The following PLEKHA1 variants were observed in gnomAD, a reference collection of about 807,000 sequenced individuals.
PLEKHA1 encodes pleckstrin homology domain-containing family A member 1.
In PLEKHA1, 34 loss-of-function variants were observed where a neutral mutation model predicts 52.0. The observed-to-expected ratio is 0.65, with a 90% CI of 0.50 to 0.87. The LOEUF is 0.87. Ranked by LOEUF, PLEKHA1 falls within the 40% of genes least tolerant of loss-of-function variation. PLEKHA1 has a pLI of 0.00. For synonymous variants in PLEKHA1, 163 were observed against 170.7 expected, an observed-to-expected ratio of 0.95 and a Z score of 0.35; for missense variants, 497 against 504.2, an observed-to-expected ratio of 0.99 and a Z score of 0.14.
intron 10 of PLEKHA1, 29 bp downstream of exon 10, chr10:122,424,988 TC>T (rs749116967): frequency 6.4e-7 from 1 of 1,560,056 alleles, no homozygotes; most frequent in Non-Finnish European, 8.7e-7. Context: ...AATTAATAGA[TC>T]CTCCTAAAAA....
intron 7 of PLEKHA1, among the ~76,000 whole-genome samples, chr10:122,416,388 T>G (rs1040118172): frequency 1.3e-5 from 2 of 152,206 alleles, no homozygotes; most frequent in African/African-American, 4.8e-5. Context: ...GGTCTCTTCC[T>G]TGTTTAGGCA....
chr10:122,429,868 A>G lies in PLEKHA1; in HGVS notation c.1145A>G (p.Asn382Ser), dbSNP rs765221054. Reference protein sequence around the residue: ...EQALLRPQSKNGPQEKDCDLV... With the variant: ...EQALLRPQSKSGPQEKDCDLV... ...GCTCTGTTAAGACCTCAAAGTAAAA[A>G]TGGCCCTCAGGAAAAAGATTGTGAC... The change falls in exon 12 of 12, where the codon AAT becomes AGT. Residue 382 changes from asparagine to serine, a missense_variant. Asn to Ser is a conservative substitution (Grantham distance 46). Coordinates refer to ENST00000368990, the MANE Select transcript of PLEKHA1 (RefSeq NM_001001974.4). 8.7e-6 allele frequency: 14 copies of G among 1,614,054 alleles called. No individual in the cohort carries two copies. The highest frequency in any genetic ancestry group is 4.0e-5 in the African/African-American group (3 of 74,910).
intron 1 of PLEKHA1, among the ~76,000 whole-genome samples, chr10:122,384,673 C>T (rs1318077943): frequency 6.6e-6 from 1 of 151,606 alleles, no homozygotes; most frequent in Non-Finnish European, 1.5e-5. Flanking sequence ...TGTTACTGCT[C>T]CAGGTGTGGT....
At chr10:122,397,854 CATTAT>C (rs2096872038) in intron 2 of PLEKHA1, 59 bp from the exon 3 acceptor site, 8 of 1,251,866 alleles carry the variant, frequency 6.4e-6, no homozygotes, top group African/African-American at 1.5e-5. Context: ...ATATGTGGAA[CATTAT>C]ATTATAAAAT....
At chr10:122,441,901 C>T in the PLEKHA1 span, 6 of 152,158 alleles carry the variant, frequency 3.9e-5, no homozygotes, top group Non-Finnish European at 7.3e-5. Context: ...AGAGAACCGT[C>T]CAGGTATTAA....
chr10:122,436,385 A>T (rs926488257), downstream of PLEKHA1: 2 of 152,246 alleles, frequency 1.3e-5, no homozygotes, highest in Non-Finnish European at 2.9e-5. Context: ...TCAAGCCCTG[A>T]CATTTGATAA....
chr10:122,396,629 T>TC (rs1453635012), intron 2 of PLEKHA1, among the ~76,000 whole-genome samples: 1 of 152,108 alleles, frequency 6.6e-6, no homozygotes, highest in Non-Finnish European at 1.5e-5. Context: ...AGTTACCTCC[T>TC]AATCATTCAT....
Position 122,431,871 on chromosome 10 carries a change from G to A in PLEKHA1, c.*1933G>A, listed in dbSNP as rs2097419557. On this transcript the variant is annotated 3_prime_UTR_variant, in exon 12 of 12. Coordinates refer to ENST00000368990, the MANE Select transcript of PLEKHA1 (RefSeq NM_001001974.4). Reference sequence around the variant, plus strand: ...GTTCCTTTTTCATGAACACACCCGAGAAATCTTAAATAGACACTTTGCAAT... The same window carrying A: ...GTTCCTTTTTCATGAACACACCCGAAAAATCTTAAATAGACACTTTGCAAT... The A allele has an allele frequency of 6.6e-6, 1 of 151,864 alleles. No individual in the cohort carries two copies. Among genetic ancestry groups the A allele is most frequent in the South Asian group, 2.1e-4 (1 of 4,800 alleles). 9.4% of individuals were successfully genotyped at this position (151,864 alleles called of 1,614,324 possible). A position where few individuals can be genotyped will look rare whatever the true frequency, so the allele number is the denominator to read the frequency against.
At chr10:122,412,341 T>C (rs7097701) in intron 5 of PLEKHA1, 72,621 of 152,022 alleles carry the variant, frequency 0.48, 17,973 homozygotes, top group East Asian at 0.62. Context: ...GACTTTGGAT[T>C]CATCCATTGA....
At chr10:122,441,209 C>G in the PLEKHA1 span, 1 of 152,186 alleles carries the variant, frequency 6.6e-6, no homozygotes, top group African/African-American at 2.4e-5. Context: ...GTTGCTCACA[C>G]CTATAATCGC....
At position 122,432,133 on chromosome 10, in the gene PLEKHA1, C is replaced by T. The variant is rs538723005; in HGVS notation, c.*2195C>T. The T allele has an allele frequency of 3.3e-5, 5 of 152,218 alleles. No individual in the cohort carries two copies. The highest frequency in any genetic ancestry group is 1.9e-4 in the East Asian group (1 of 5,184). 9.4% of individuals were successfully genotyped at this position (152,218 alleles called of 1,614,324 possible). On this transcript the variant is annotated 3_prime_UTR_variant, in exon 12 of 12. Transcript: ENST00000368990. ...TGGAAATTATTTAATTATTTTAAAA[C>T]GTACACACTTTTCTTGTAAATATGT...
intron 4 of PLEKHA1, among the ~76,000 whole-genome samples, chr10:122,403,750 G>T (rs542209472): frequency 1.3e-5 from 2 of 152,098 alleles, no homozygotes; most frequent in Non-Finnish European, 2.9e-5. Flanking sequence ...GGAATGCAAT[G>T]GTGTAATCTT....
rs373380132 is a variant in PLEKHA1 at position 122,397,988 on chromosome 10, A to G, written c.198+14A>G. The G allele has an allele frequency of 1.9e-5, 31 of 1,594,114 alleles. No homozygotes were observed. In the Admixed American group the frequency reaches 4.5e-4, roughly 23 times the overall value. ...TACATTTCAAAGGTAGTCTTTATAC[A>G]TTGTCTTATACTCGTGTGAATTAAA... is the stretch of plus-strand genomic sequence containing the variant. On this transcript the variant is annotated intron_variant, in intron 3 of 11. Coordinates refer to ENST00000368990, the MANE Select transcript of PLEKHA1 (RefSeq NM_001001974.4).
At position 122,424,171 on chromosome 10, in the gene PLEKHA1, GTTT is replaced by G. The variant is rs34058512; in HGVS notation, c.682-8_682-6del. ...TTTTAAGAATAAACATCATGTAACT[GTTT>G]TTTTTTTTTTTTTTTTTTTGCCAGG... On this transcript the variant is annotated intron_variant, in intron 8 of 11. Coordinates refer to ENST00000368990, the MANE Select transcript of PLEKHA1 (RefSeq NM_001001974.4). 4,687 of 927,026 alleles carry G rather than the reference GTTT, an allele frequency of 5.1e-3. 3 individuals are homozygous for G. The highest frequency in any genetic ancestry group is 6.7e-3 in the Admixed American group (139 of 20,872). 57.4% of individuals were successfully genotyped at this position (927,026 alleles called of 1,614,324 possible). A position where few individuals can be genotyped will look rare whatever the true frequency, so the allele number is the denominator to read the frequency against.
At chr10:122,397,794 C>T (rs2096871321) in intron 2 of PLEKHA1, 124 bp from the exon 3 acceptor site, 1 of 730,690 alleles carries the variant, frequency 1.4e-6, no homozygotes, top group East Asian at 2.8e-5. Context: ...AAGAAAAGTT[C>T]ATTTGTAAAA....
At chr10:122,405,130 T>C (rs2096989630) in intron 4 of PLEKHA1, among the ~76,000 whole-genome samples, 1 of 152,152 alleles carries the variant, frequency 6.6e-6, no homozygotes, top group African/African-American at 2.4e-5. Context: ...TGTGCTTTGC[T>C]TGATAAAAGT....
intron 6 of PLEKHA1, 137 bp downstream of exon 6, chr10:122,413,182 A>C (rs2097130051): frequency 3.8e-6 from 3 of 786,090 alleles, no homozygotes; most frequent in Non-Finnish European, 5.3e-6. Context: ...TTTATTTCAA[A>C]AGTATTTATT....
intron 8 of PLEKHA1, chr10:122,419,261 A>G (rs1233557399): frequency 6.6e-6 from 1 of 152,154 alleles, no homozygotes; most frequent in Non-Finnish European, 1.5e-5. Flanking sequence ...TGAGCTTCTT[A>G]AGGGTAAAGA....
intron 1 of PLEKHA1, among the ~76,000 whole-genome samples, chr10:122,378,448 G>A (rs75695674): frequency 0.1 from 13,860 of 134,698 alleles, 755 homozygotes; most frequent in Middle Eastern, 0.2. Context: ...TTATCAAAAA[G>A]CTCTAGGCTG....
Sources: gnomAD v4.1 joint callset for allele counts (sites outside exome capture counted in the v4.1 genomes callset) on GRCh38, gnomAD v4.1.1 for gene constraint, MANE v1.5 for transcripts, NCBI Gene and HGNC (gene_info 2026-07-23, HGNC 2026-07-21) for gene names.